The following DAB1 variants were observed in gnomAD, a reference collection of about 807,000 sequenced individuals.
DAB1 encodes the protein DAB adaptor protein 1.
A neutral mutation model predicts 64.6 loss-of-function variants in DAB1; 15 were observed. The ratio of observed to expected loss-of-function variants is 0.23; its 90% CI spans 0.16 to 0.36. The LOEUF (loss-of-function observed/expected upper bound fraction) is 0.36, where lower values mean the gene tolerates loss of function less well. Ranked by LOEUF, DAB1 falls within the 10% of genes least tolerant of loss-of-function variation. The pLI, the probability that DAB1 is intolerant of heterozygous loss-of-function variation, is 1.00. For missense variants in DAB1, 596 were observed against 706.7 expected, an observed-to-expected ratio of 0.84 and a Z score of 1.78; for synonymous variants, 235 against 251.9, an observed-to-expected ratio of 0.93 and a Z score of 0.64.
chr1:57,026,198 C>T (rs1330798251), intron 9 of DAB1, among the ~76,000 whole-genome samples, 155 bp from the exon 10 acceptor site: 1 of 152,198 alleles, frequency 6.6e-6, no homozygotes, highest in Non-Finnish European at 1.5e-5. Context: ...ACCTCAGGAT[C>T]CCAAAGGCAA....
Position 57,263,767 on chromosome 1 carries a change from C to G in DAB1, c.67+27197G>C, listed in dbSNP as rs113796396. 4.6e-5 allele frequency among the ~76,000 whole-genome samples: 7 copies of G among 152,224 alleles called. 1 individual carries two copies. Among genetic ancestry groups the G allele is most frequent in the African/African-American group, 1.7e-4 (7 of 41,534 alleles). ...TCATTTAGTCGGAGCCAGTTTTGTG[C>G]CAATAATTTTCATTACACTTGTTAT... On this transcript the variant is annotated intron_variant, in intron 2 of 14. Transcript: ENST00000371236.
At chr1:57,218,715 C>G (rs754034653) in intron 2 of DAB1, among the ~76,000 whole-genome samples, 2 of 151,988 alleles carry the variant, frequency 1.3e-5, no homozygotes, top group Non-Finnish European at 2.9e-5. Flanking sequence ...ATTCCATAGC[C>G]TGTTCTGTGT....
intron 4 of DAB1, among the ~76,000 whole-genome samples, chr1:58,185,855 A>G (rs1359935163): frequency 2.0e-5 from 3 of 152,150 alleles, no homozygotes; most frequent in Non-Finnish European, 4.4e-5. Context: ...CAAGTCATTG[A>G]GTTTCTCTGA....
At chr1:57,766,389 C>T (rs11207103) in intron 6 of DAB1, among the ~76,000 whole-genome samples, 26,125 of 151,928 alleles carry the variant, frequency 0.17, 2,958 homozygotes, top group Admixed American at 0.29. Flanking sequence ...GCACCAAAGT[C>T]GCCACTAACT....
intron 4 of DAB1, among the ~76,000 whole-genome samples, chr1:57,130,774 G>T (rs968130143): frequency 4.6e-5 from 7 of 152,124 alleles, no homozygotes; most frequent in Admixed American, 4.6e-4. Flanking sequence ...TAGTAAATGG[G>T]TATAAAATTT....
At chr1:58,479,843 T>C (rs1025148967) in intron 3 of DAB1, among the ~76,000 whole-genome samples, 17 of 152,290 alleles carry the variant, frequency 1.1e-4, no homozygotes, top group Non-Finnish European at 2.4e-4. Flanking sequence ...CGAAGCCTAT[T>C]TGTCATTGTA....
chr1:57,988,985 A>G (rs891465134), intron 5 of DAB1, among the ~76,000 whole-genome samples: 1 of 152,100 alleles, frequency 6.6e-6, no homozygotes, highest in Non-Finnish European at 1.5e-5. Context: ...TGCTGGAAGA[A>G]GCATTTTCAG....
At chr1:57,911,122 G>GA (rs11416863) in intron 5 of DAB1, among the ~76,000 whole-genome samples, 29,975 of 152,022 alleles carry the variant, frequency 0.2, 3,362 homozygotes, top group Admixed American at 0.27. Context: ...GACATTTAGG[G>GA]AAAAAAAGGA....
chr1:58,396,117 G>A (rs1644519487), intron 3 of DAB1, among the ~76,000 whole-genome samples: 1 of 151,774 alleles, frequency 6.6e-6, no homozygotes, highest in Middle Eastern at 3.4e-3. Context: ...GGCGAGAAGA[G>A]GGCAGGGGAG....
intron 4 of DAB1, among the ~76,000 whole-genome samples, chr1:58,188,359 T>C (rs1452303401): frequency 6.6e-6 from 1 of 152,248 alleles, no homozygotes; most frequent in African/African-American, 2.4e-5. Flanking sequence ...ATATATGACT[T>C]GGTCTACAAT....
chr1:57,509,414 T>C (rs1644383164), intron 7 of DAB1, among the ~76,000 whole-genome samples: 1 of 152,084 alleles, frequency 6.6e-6, no homozygotes, highest in Non-Finnish European at 1.5e-5. Flanking sequence ...AAGAAGCCAT[T>C]CTAGATCAGG....
At chr1:58,372,113 G>A (rs573332172) in intron 3 of DAB1, among the ~76,000 whole-genome samples, 16 of 152,248 alleles carry the variant, frequency 1.1e-4, no homozygotes, top group East Asian at 5.8e-4. Context: ...GACAGCTTGC[G>A]CCAGGCACTT....
rs12722776 is a variant in DAB1 at position 58,296,195 on chromosome 1, G to A, written n.309+47157C>T. Among the ~76,000 whole-genome samples the A allele has an allele frequency of 1.4e-3, 128 of 93,548 alleles. 2 individuals carry two copies. Among genetic ancestry groups the A allele is most frequent in the African/African-American group, 2.9e-3 (72 of 25,132 alleles). 61.4% of individuals were successfully genotyped at this position (93,548 alleles called of 152,430 possible). A position where few individuals can be genotyped will look rare whatever the true frequency, so the allele number is the denominator to read the frequency against. ...GAAAAAAGAAAGAAAGAGAAAGAAA[G>A]AGAAAGAAAGAAAGAAAGAAAGAAA... On this transcript the variant is annotated intron_variant and non_coding_transcript_variant, in intron 4 of 20. Coordinates refer to the DAB1 transcript ENST00000485760.
At chr1:57,453,249 T>C (rs1686457294) in intron 7 of DAB1, among the ~76,000 whole-genome samples, 1 of 152,176 alleles carries the variant, frequency 6.6e-6, no homozygotes, top group Non-Finnish European at 1.5e-5. Flanking sequence ...CCAAAGTTTA[T>C]ATTCAGTTCC....
In DAB1 at chr1:57,481,610, A is replaced by G. The variant is rs181320482; in HGVS notation, n.625+167982T>C. Among the ~76,000 whole-genome samples, 53 of 152,250 alleles carry G rather than the reference A, an allele frequency of 3.5e-4. No individual in the cohort carries two copies. In the East Asian group the frequency reaches 8.3e-3, roughly 24 times the overall value. ...GGTGGGCAGATCACCTGAGGTCAAG[A>G]GTTTGAGATCAGCCTGGCCAACATG... On this transcript the variant is annotated intron_variant and non_coding_transcript_variant, in intron 7 of 20. Transcript: ENST00000485760.
chr1:57,666,590 G>A (rs575816287), intron 6 of DAB1, among the ~76,000 whole-genome samples: 235 of 152,186 alleles, frequency 1.5e-3, no homozygotes, highest in South Asian at 7.1e-3. Flanking sequence ...AGGTTACTCA[G>A]GCCAAAAAAT....
chr1:57,408,383 T>C (rs533907171), intron 1 of DAB1, among the ~76,000 whole-genome samples: 1 of 152,328 alleles, frequency 6.6e-6, no homozygotes, highest in African/African-American at 2.4e-5. Context: ...ATGTAACTCA[T>C]GAATGCTTCT....
At chr1:57,458,425 A>G (rs1686673949) in intron 7 of DAB1, among the ~76,000 whole-genome samples, 1 of 152,010 alleles carries the variant, frequency 6.6e-6, no homozygotes, top group Non-Finnish European at 1.5e-5. Flanking sequence ...TGTGATAGCA[A>G]CAGGTAAATG....
At chr1:57,604,324 A>T (rs1645609630) in intron 7 of DAB1, among the ~76,000 whole-genome samples, 1 of 152,106 alleles carries the variant, frequency 6.6e-6, no homozygotes, top group East Asian at 1.9e-4. Flanking sequence ...CCATGAGATT[A>T]TGTAGGTGAA....
Sources: allele counts gnomAD v4.1 joint callset (sites outside exome capture counted in the v4.1 genomes callset), GRCh38; gene constraint gnomAD v4.1.1; transcripts MANE v1.5; gene names NCBI Gene and HGNC (gene_info 2026-07-23, HGNC 2026-07-21).